Variants in EEF1E1 observed in about 807,000 individuals in gnomAD.
The protein encoded by EEF1E1 is eukaryotic translation elongation factor 1 epsilon-1.
A neutral mutation model predicts 19.9 loss-of-function variants in EEF1E1; 19 were observed. The ratio of observed to expected loss-of-function variants is 0.95; its 90% confidence interval spans 0.66 to 1.40. EEF1E1 has a LOEUF of 1.40. EEF1E1 is among the 40% of genes most tolerant of loss of function. EEF1E1 has a pLI of 0.00. For synonymous variants in EEF1E1, 81 were observed against 80.0 expected (o/e 1.01, Z -0.07); for missense variants, 198 against 202.2 (o/e 0.98, Z 0.13).
At chr6:8,090,715 A>G (rs1326540879) in intron 2 of EEF1E1, among the ~76,000 whole-genome samples, 1 of 152,212 alleles carries the variant, frequency 6.6e-6, no homozygotes, top group African/African-American at 2.4e-5. Context: ...CCTTGCCTCT[A>G]GGTCCTGGCA....
rs192943830 is a variant in EEF1E1, at chr6:8,079,933, C to T, written c.482G>A (p.Ser161Asn). The T allele has an allele frequency of 8.1e-6, 13 of 1,613,170 alleles. No individual in the cohort carries two copies. In the East Asian group the frequency reaches 2.9e-4, roughly 36 times the overall value. Residue 161 changes from serine (S) to asparagine (N), a missense_variant, in exon 4 of 4, where the codon AGT becomes AAT. Coordinates refer to ENST00000379715, the MANE Select transcript of EEF1E1 (RefSeq NM_004280.5). ...HYPGIRQHLS[S>N]VVFIKNRLYT... The stretch of plus-strand genomic sequence containing the variant: ...TAGTCTGTTCTTGATGAAGACAACA[C>T]TAGACAGATGTTGCCTGATGCCTGG...
Position 8,079,799 on chromosome 6 carries a change from CTG to C in EEF1E1, c.*89_*90del. The C allele has an allele frequency of 7.0e-7, 1 of 1,423,072 alleles. No homozygotes were observed. Among genetic ancestry groups the C allele is most frequent in the Non-Finnish European group, 9.2e-7 (1 of 1,081,410 alleles). The allele number at this position is 1,423,072 out of a possible 1,614,324, so 88.2% of individuals were successfully genotyped here. ...ATCAACTTCAACAAATAATGAATGA[CTG>C]TATATTAATTTACATTAGTCCTGTG... On this transcript the variant is annotated 3_prime_UTR_variant, in exon 4 of 4. Coordinates refer to ENST00000379715, the MANE Select transcript of EEF1E1 (RefSeq NM_004280.5).
chr6:8,076,947 G>GTTTT (rs70982138), downstream of EEF1E1, among the ~76,000 whole-genome samples: 11 of 113,006 alleles, frequency 9.7e-5, no homozygotes, highest in East Asian at 6.0e-4. Flanking sequence ...TTTTGTTTTT[G>GTTTT]TTTTTTTTTT....
intron 3 of EEF1E1, among the ~76,000 whole-genome samples, chr6:8,088,181 G>A (rs1757916080): frequency 6.6e-6 from 1 of 152,138 alleles, no homozygotes; most frequent in Non-Finnish European, 1.5e-5. Context: ...CAAGAACATA[G>A]TGAGTATCAT....
chr6:8,101,971 G>A, intron 1 of EEF1E1: 2 of 1,248,194 alleles, frequency 1.6e-6, no homozygotes, highest in Non-Finnish European at 2.1e-6. Flanking sequence ...CTGAGAGGAG[G>A]AAGCATGTTC....
At chr6:8,094,050 C>T (rs570406519) in intron 2 of EEF1E1, among the ~76,000 whole-genome samples, 3 of 152,178 alleles carry the variant, frequency 2.0e-5, no homozygotes, top group South Asian at 4.1e-4. Context: ...CTGCCTGCCT[C>T]GGCCTTCCAA....
chr6:8,097,513 C>T (rs1758207634), intron 1 of EEF1E1, 46 bp from the exon 2 acceptor site: 1 of 1,506,118 alleles, frequency 6.6e-7, no homozygotes, highest in Non-Finnish European at 9.1e-7. Flanking sequence ...ACAAGGACCA[C>T]ATCATGATTA....
At chr6:8,093,149 G>A (rs1758067666) in intron 2 of EEF1E1, among the ~76,000 whole-genome samples, 1 of 152,028 alleles carries the variant, frequency 6.6e-6, no homozygotes, top group African/African-American at 2.4e-5. Flanking sequence ...TGGGATTACA[G>A]GCGTGAGCCA....
At chr6:8,094,700 C>T (rs531235095) in intron 2 of EEF1E1, among the ~76,000 whole-genome samples, 4 of 152,138 alleles carry the variant, frequency 2.6e-5, no homozygotes, top group South Asian at 4.1e-4. Context: ...CCTTGAACAA[C>T]GCAGGTTGGA....
rs1554099744 is a variant in EEF1E1, at chr6:8,099,751, AACACACACACACACACAC to A, written c.88-2302_88-2285del. ...AACAAGAGTGAAGCTCCGCCTCAAA[AACACACACACACACACAC>A]ACACACACACACACACACACACAAA... is the stretch of plus-strand genomic sequence containing the variant. On this transcript the variant is annotated intron_variant, in intron 1 of 3. Coordinates refer to ENST00000379715, the MANE Select transcript of EEF1E1 (RefSeq NM_004280.5). Among the ~76,000 whole-genome samples, 4 of 92,966 alleles carry A rather than the reference AACACACACACACACACAC, an allele frequency of 4.3e-5. 2 individuals are homozygous for A. The highest frequency in any genetic ancestry group is 2.1e-4 in the African/African-American group (4 of 19,292). The allele number at this position is 92,966 out of a possible 152,430, so 61.0% of individuals were successfully genotyped here.
chr6:8,099,782 ACACACACAC>A (rs552022187), intron 1 of EEF1E1, among the ~76,000 whole-genome samples: 68 of 121,592 alleles, frequency 5.6e-4, no homozygotes, highest in Non-Finnish European at 5.0e-4. Flanking sequence ...ACACACACAC[ACACACACAC>A]AAAAAAAAAA....
intron 2 of EEF1E1, among the ~76,000 whole-genome samples, chr6:8,093,468 T>C (rs145577478): frequency 0.011 from 1,700 of 151,700 alleles, 38 homozygotes; most frequent in African/African-American, 0.038. Context: ...AGCAGTAAAA[T>C]AAACAACTAT....
At chr6:8,102,057 C>T in intron 1 of EEF1E1, 1 of 1,161,234 alleles carries the variant, frequency 8.6e-7, no homozygotes, top group South Asian at 1.8e-5. Flanking sequence ...GGAGTCGCTG[C>T]GCAATAACTG....
At chr6:8,080,348 G>A (rs1341335848) in intron 3 of EEF1E1, among the ~76,000 whole-genome samples, 1 of 152,156 alleles carries the variant, frequency 6.6e-6, no homozygotes, top group East Asian at 1.9e-4. Flanking sequence ...TCATTGGAAA[G>A]GAAGATAGAT....
chr6:8,077,098 C>T (rs562205955), downstream of EEF1E1, among the ~76,000 whole-genome samples: 129 of 152,202 alleles, frequency 8.5e-4, 1 homozygote, highest in South Asian at 8.9e-3. Flanking sequence ...CGCCCGCCAC[C>T]ACACCCAGCT....
intron 3 of EEF1E1, among the ~76,000 whole-genome samples, chr6:8,084,873 G>A (rs1049693457): frequency 2.0e-5 from 3 of 152,308 alleles, no homozygotes; most frequent in Middle Eastern, 3.4e-3. Flanking sequence ...GCCACCAGGA[G>A]AGAGATGCTT....
At chr6:8,098,512 A>G (rs1758238362) in intron 1 of EEF1E1, among the ~76,000 whole-genome samples, 1 of 152,244 alleles carries the variant, frequency 6.6e-6, no homozygotes, top group South Asian at 2.1e-4. Flanking sequence ...CAAGGAGATT[A>G]ATACTCTACA....
chr6:8,079,875 T>C lies in EEF1E1; in HGVS notation c.*15A>G, dbSNP rs377588562. On this transcript the variant is annotated 3_prime_UTR_variant, in exon 4 of 4. Transcript: ENST00000379715. ...AAACATTTTTAATAGATCTTCTGTA[T>C]GGCATGGACAGCTTCTAGTGGGAAT... 6.8e-6 allele frequency: 11 copies of C among 1,606,818 alleles called. No homozygotes were observed. The African/African-American group carries it at 1.1e-4, about 16-fold the overall frequency.
intron 1 of EEF1E1, among the ~76,000 whole-genome samples, chr6:8,100,985 G>A (rs986281761): frequency 1.9e-4 from 28 of 148,944 alleles, no homozygotes; most frequent in African/African-American, 6.7e-4. Flanking sequence ...CAGCACTTTA[G>A]GAGGCCAGGG....
Sources: gnomAD v4.1 joint callset for allele counts (sites outside exome capture counted in the v4.1 genomes callset) on GRCh38, gnomAD v4.1.1 for gene constraint, MANE v1.5 for transcripts, NCBI Gene and HGNC (gene_info 2026-07-23, HGNC 2026-07-21) for gene names.